BRD10: variants seen among roughly 807,000 people sequenced by gnomAD.
BRD10 encodes uncharacterized bromodomain-containing protein 10.
chr9:5,947,423 A>G, the BRD10 span, among the ~76,000 whole-genome samples: 6 of 152,134 alleles, frequency 3.9e-5, no homozygotes, highest in African/African-American at 1.4e-4. Flanking sequence ...GTATGAAAAT[A>G]CAAGATTAAT....
At chr9:5,894,699 G>C in the BRD10 span, among the ~76,000 whole-genome samples, 1 of 152,130 alleles carries the variant, frequency 6.6e-6, no homozygotes, top group Non-Finnish European at 1.5e-5. The surrounding 1 kb of genome is among the most constrained non-coding windows in gnomAD (Gnocchi z 4.0). Context: ...AGCATTGCTG[G>C]GGTGATCCTG....
the BRD10 span, chr9:5,907,288 G>T: frequency 1.4e-3 from 280 of 202,050 alleles, no homozygotes; most frequent in Non-Finnish European, 2.4e-3. Flanking sequence ...TTCAAAGGAA[G>T]AATTTAGTCC....
the BRD10 span, chr9:5,954,069 T>C: frequency 1.4e-4 from 220 of 1,560,228 alleles, 1 homozygote; most frequent in Admixed American, 2.5e-4. Context: ...TTCTTTGTGA[T>C]TGCTTTTTTA....
At chr9:5,921,585 G>C in the BRD10 span, 1 of 1,613,934 alleles carries the variant, frequency 6.2e-7, no homozygotes, top group Non-Finnish European at 8.5e-7. Flanking sequence ...ATAAGTTTCT[G>C]AACTGGAGTC....
chr9:5,952,701 G>A, the BRD10 span, among the ~76,000 whole-genome samples: 4 of 152,170 alleles, frequency 2.6e-5, no homozygotes, highest in African/African-American at 9.7e-5. Context: ...CAATGGGCCA[G>A]ATTTGCTCTA....
the BRD10 span, among the ~76,000 whole-genome samples, chr9:5,935,997 T>G: frequency 1.3e-5 from 2 of 152,252 alleles, no homozygotes; most frequent in African/African-American, 4.8e-5. Flanking sequence ...TATGAACGAG[T>G]TATTTTGTTA....
the BRD10 span, chr9:5,920,972 C>G: frequency 1.9e-6 from 3 of 1,613,844 alleles, no homozygotes; most frequent in Non-Finnish European, 2.5e-6. Context: ...AGGTTGTGCC[C>G]CAGCTGAAGC....
the BRD10 span, among the ~76,000 whole-genome samples, chr9:5,929,655 G>A: frequency 6.6e-6 from 1 of 152,048 alleles, no homozygotes. Context: ...GCCCAGAAAA[G>A]CAACCAAGCA....
At chr9:5,901,869 T>C in the BRD10 span, among the ~76,000 whole-genome samples, 1 of 152,214 alleles carries the variant, frequency 6.6e-6, no homozygotes, top group Admixed American at 6.5e-5. Context: ...ATAAATCCTA[T>C]TTTGTCATGG....
chr9:5,884,070 C>T, the BRD10 span, among the ~76,000 whole-genome samples: 8 of 152,198 alleles, frequency 5.3e-5, no homozygotes, highest in African/African-American at 1.4e-4. Flanking sequence ...GAACCCAGAG[C>T]GCAGTCTCTC....
chr9:5,953,251 T>C, the BRD10 span, among the ~76,000 whole-genome samples: 1 of 152,266 alleles, frequency 6.6e-6, no homozygotes, highest in South Asian at 2.1e-4. Flanking sequence ...TTTTGGTCAT[T>C]AGGTATGAGT....
chr9:5,986,402 T>C, the BRD10 span, among the ~76,000 whole-genome samples: 1 of 152,220 alleles, frequency 6.6e-6, no homozygotes, highest in East Asian at 1.9e-4. Context: ...ATTCCATGTC[T>C]TTGCTATTGT....
At chr9:6,008,290 A>T in the BRD10 span, 1 of 983,518 alleles carries the variant, frequency 1.0e-6, no homozygotes, top group Non-Finnish European at 1.2e-6. Flanking sequence ...CCTGCGGGGG[A>T]CACGGGCAGA....
chr9:5,962,247 A>G, the BRD10 span, among the ~76,000 whole-genome samples: 1 of 149,354 alleles, frequency 6.7e-6, no homozygotes, highest in African/African-American at 2.5e-5. Flanking sequence ...TCCCACAGAA[A>G]TACAAACTAC....
the BRD10 span, among the ~76,000 whole-genome samples, chr9:5,901,801 C>T: frequency 4.0e-5 from 6 of 151,508 alleles, no homozygotes; most frequent in Non-Finnish European, 7.4e-5. Context: ...GGATTACAGG[C>T]GTGAGCCACC....
the BRD10 span, among the ~76,000 whole-genome samples, chr9:6,006,466 T>C: frequency 6.6e-6 from 1 of 152,236 alleles, no homozygotes; most frequent in Admixed American, 6.5e-5. Flanking sequence ...TATAAAACAA[T>C]ACATTCATTT....
chr9:5,993,974 A>G, the BRD10 span, among the ~76,000 whole-genome samples: 1 of 152,236 alleles, frequency 6.6e-6, no homozygotes, highest in Admixed American at 6.5e-5. Context: ...ATAGATAAGC[A>G]TCATTCATCT....
chr9:5,895,733 C>T, the BRD10 span, among the ~76,000 whole-genome samples: 1,732 of 152,292 alleles, frequency 0.011, 27 homozygotes, highest in African/African-American at 0.04. Context: ...TGCACCTTAA[C>T]GTGCATCTCA....
the BRD10 span, among the ~76,000 whole-genome samples, chr9:5,904,814 C>A: frequency 6.6e-6 from 1 of 150,570 alleles, no homozygotes; most frequent in Non-Finnish European, 1.5e-5. Context: ...CACTCCGTTG[C>A]CCAGGCTGGA....
Sources: gnomAD v4.1 joint callset for allele counts (sites outside exome capture counted in the v4.1 genomes callset) on GRCh38, gnomAD v4.1.1 for gene constraint, Gnocchi (gnomAD v3.1) non-coding constraint, MANE v1.5 for transcripts, NCBI Gene and HGNC (gene_info 2026-07-23, HGNC 2026-07-21) for gene names.